Variants in HDAC9 observed in about 807,000 individuals in gnomAD.
HDAC9 encodes the protein MEF-2 interacting transcription repressor (MITR) protein.
A neutral mutation model predicts 139.4 loss-of-function variants in HDAC9; 41 were observed. The ratio of observed to expected loss-of-function variants is 0.29; its 90% confidence interval spans 0.23 to 0.38. The LOEUF (loss-of-function observed/expected upper bound fraction) is 0.38, where lower values mean the gene tolerates loss of function less well. Among genes scored for constraint, HDAC9 ranks in the 10% least tolerant of loss-of-function variants. The pLI, the probability that HDAC9 is intolerant of heterozygous loss-of-function variation, is 1.00. For missense variants in HDAC9, 1,147 were observed against 1,297.0 expected, an observed-to-expected ratio of 0.88 and a Z score of 1.78; for synonymous variants, 517 against 476.2, an observed-to-expected ratio of 1.09 and a Z score of -1.12.
intron 2 of HDAC9, chr7:18,260,666 C>T (rs191382298): frequency 3.9e-5 from 6 of 154,160 alleles, no homozygotes; most frequent in Non-Finnish European, 8.8e-5. Flanking sequence ...TACAACAGTC[C>T]TAGGAACTCT....
intron 2 of HDAC9, among the ~76,000 whole-genome samples, chr7:18,532,665 C>T (rs548697337): frequency 6.6e-6 from 1 of 152,154 alleles, no homozygotes; most frequent in African/African-American, 2.4e-5. Flanking sequence ...TATATTGATC[C>T]TATACCGTTT....
chr7:18,541,256 G>A (rs912397541), intron 2 of HDAC9, among the ~76,000 whole-genome samples: 1 of 139,164 alleles, frequency 7.2e-6, no homozygotes, highest in Non-Finnish European at 1.5e-5. Context: ...CTTGCCCCTT[G>A]CTAATATGCA....
chr7:18,444,065 A>G (rs1399295513), intron 1 of HDAC9, among the ~76,000 whole-genome samples: 1 of 152,022 alleles, frequency 6.6e-6, no homozygotes, highest in Admixed American at 6.6e-5. Context: ...GCAACTGGGC[A>G]TGGTGGCTCA....
intron 22 of HDAC9, among the ~76,000 whole-genome samples, chr7:18,904,397 A>G (rs1233980371): frequency 1.3e-5 from 2 of 152,060 alleles, no homozygotes; most frequent in African/African-American, 4.8e-5. Flanking sequence ...GTGACATAAG[A>G]TGTGCTCTCA....
At chr7:18,737,773 G>T (rs1018452912) in intron 13 of HDAC9, among the ~76,000 whole-genome samples, 1 of 152,106 alleles carries the variant, frequency 6.6e-6, no homozygotes. Flanking sequence ...TGTCTATTAG[G>T]TCCGCTTGGT....
chr7:18,349,290 C>A (rs1782663088), intron 1 of HDAC9, among the ~76,000 whole-genome samples: 1 of 142,018 alleles, frequency 7.0e-6, no homozygotes, highest in Non-Finnish European at 1.5e-5. Flanking sequence ...AGATGACCTC[C>A]CATACTTGAG....
At chr7:18,541,210 A>C (rs1421657853) in intron 2 of HDAC9, among the ~76,000 whole-genome samples, 1 of 100,390 alleles carries the variant, frequency 1.0e-5, no homozygotes, top group African/African-American at 3.9e-5. Flanking sequence ...TTTTTTCTGG[A>C]AGCAGATAGC....
chr7:18,680,747 C>T (rs1681400006), intron 12 of HDAC9, among the ~76,000 whole-genome samples: 4 of 152,038 alleles, frequency 2.6e-5, no homozygotes, highest in South Asian at 2.1e-4. Context: ...AGCCCAATCA[C>T]GTGCCAGCCT....
At chr7:18,994,689 T>A (rs1223733867) in intron 25 of HDAC9, among the ~76,000 whole-genome samples, 2 of 152,218 alleles carry the variant, frequency 1.3e-5, no homozygotes, top group Non-Finnish European at 2.9e-5. Flanking sequence ...TTAGATTTGT[T>A]ATACAAATGC....
upstream of HDAC9, among the ~76,000 whole-genome samples, chr7:18,491,609 G>A (rs1019722868): frequency 1.3e-5 from 2 of 151,958 alleles, no homozygotes; most frequent in African/African-American, 4.8e-5. Context: ...AAGCGCAGAT[G>A]TACAAAATCT....
chr7:18,599,507 GTC>G (rs914419301), intron 6 of HDAC9, among the ~76,000 whole-genome samples: 1 of 151,872 alleles, frequency 6.6e-6, no homozygotes, highest in Non-Finnish European at 1.5e-5. Context: ...TTTTTTTATT[GTC>G]TCTATAGTTT....
chr7:18,998,954 CACAG>C lies in HDAC9; in HGVS notation c.*2897_*2900del, dbSNP rs879543036. 20 of 152,186 alleles carry C rather than the reference CACAG, an allele frequency of 1.3e-4. No homozygotes were observed. The highest frequency in any genetic ancestry group is 3.4e-3 in the Middle Eastern group (1 of 294). The allele number at this position is 152,186 out of a possible 1,614,324, so 9.4% of individuals were successfully genotyped here. A position where few individuals can be genotyped will look rare whatever the true frequency, so the allele number is the denominator to read the frequency against. On this transcript the variant is annotated 3_prime_UTR_variant, in exon 26 of 26. Transcript: ENST00000686413. ...TGGGGCTGTATATTAAACTAAAAAA[CACAG>C]ACAGTTTTATTAAATAGTAACCAAA...
chr7:18,199,537 A>G (rs1240257354), intron 2 of HDAC9, among the ~76,000 whole-genome samples: 3 of 151,992 alleles, frequency 2.0e-5, no homozygotes, highest in African/African-American at 7.2e-5. Context: ...TGTAATCCTA[A>G]TGCTTTGGTA....
intron 2 of HDAC9, among the ~76,000 whole-genome samples, chr7:18,581,900 A>C (rs1827950564): frequency 6.6e-6 from 1 of 152,204 alleles, no homozygotes; most frequent in Non-Finnish European, 1.5e-5. Flanking sequence ...GTCAATGTCC[A>C]CCAAACTATA....
At chr7:18,960,792 G>A (rs866426869) in intron 24 of HDAC9, among the ~76,000 whole-genome samples, 5 of 151,604 alleles carry the variant, frequency 3.3e-5, no homozygotes, top group East Asian at 1.9e-4. Context: ...ATCCTCTACC[G>A]ACCCCAGTAC....
At chr7:18,348,697 AC>A (rs1415088284) in intron 1 of HDAC9, among the ~76,000 whole-genome samples, 5 of 152,192 alleles carry the variant, frequency 3.3e-5, no homozygotes, top group Non-Finnish European at 1.5e-5. Context: ...AAATCTCCTA[AC>A]ACAAACTTTC....
At chr7:18,439,938 A>G (rs1169668809) in intron 1 of HDAC9, among the ~76,000 whole-genome samples, 1 of 152,184 alleles carries the variant, frequency 6.6e-6, no homozygotes, top group East Asian at 1.9e-4. Flanking sequence ...TAATGATAGT[A>G]GATATTACTT....
At chr7:18,748,753 C>G (rs1788194596) in intron 13 of HDAC9, among the ~76,000 whole-genome samples, 1 of 152,164 alleles carries the variant, frequency 6.6e-6, no homozygotes, top group African/African-American at 2.4e-5. Context: ...TCATCTTCAT[C>G]ACTTTACAGA....
chr7:18,342,853 G>A (rs770078868), intron 1 of HDAC9, among the ~76,000 whole-genome samples: 9 of 151,822 alleles, frequency 5.9e-5, no homozygotes, highest in Admixed American at 1.3e-4. Context: ...TTTGCGTTAT[G>A]TGCAAGCAAA....
Sources: gnomAD v4.1 joint callset for allele counts (sites outside exome capture counted in the v4.1 genomes callset) on GRCh38, gnomAD v4.1.1 for gene constraint, MANE v1.5 for transcripts, NCBI Gene and HGNC (gene_info 2026-07-23, HGNC 2026-07-21) for gene names.